The following CCDC91 variants were observed in gnomAD, a reference collection of about 807,000 sequenced individuals.
CCDC91 encodes the protein coiled-coil domain-containing protein 91.
Under a neutral mutation model 63.2 loss-of-function variants are expected in CCDC91, and 48 were observed. The observed-to-expected ratio is 0.76, with a 90% CI of 0.60 to 0.97. CCDC91 has a LOEUF of 0.97. Ranked by LOEUF, CCDC91 falls within the 50% of genes least tolerant of loss-of-function variation. The pLI, the probability that CCDC91 is intolerant of heterozygous loss-of-function variation, is 0.00. For missense variants in CCDC91, 500 were observed against 494.6 expected, an observed-to-expected ratio of 1.01 and a Z score of -0.10; for synonymous variants, 167 against 165.8, an observed-to-expected ratio of 1.01 and a Z score of -0.06.
chr12:28,328,248 G>T (rs1941193077), intron 6 of CCDC91, among the ~76,000 whole-genome samples: 1 of 151,938 alleles, frequency 6.6e-6, no homozygotes, highest in African/African-American at 2.4e-5. Flanking sequence ...AGCTTTGGTT[G>T]TTGTTTTCTG....
At chr12:28,477,042 G>A (rs1477663702) in intron 11 of CCDC91, among the ~76,000 whole-genome samples, 1 of 152,104 alleles carries the variant, frequency 6.6e-6, no homozygotes, top group Non-Finnish European at 1.5e-5. Flanking sequence ...TCTACCAGAG[G>A]TACAAGGAGG....
chr12:28,454,311 C>T (rs1238609764), intron 11 of CCDC91, among the ~76,000 whole-genome samples: 1 of 152,176 alleles, frequency 6.6e-6, no homozygotes, highest in Non-Finnish European at 1.5e-5. Context: ...TGAAGACCCA[C>T]ACCAATCAAC....
rs1946659747 is a variant in CCDC91 at position 28,259,298 on chromosome 12, C to T, written c.31-66C>T. On this transcript the variant is annotated intron_variant, in intron 2 of 12. Coordinates refer to ENST00000536442, the MANE Select transcript of CCDC91 (RefSeq NM_018318.5). ...AAGATATGCCTATTGAACTGGAATG[C>T]TTGATCACTTAAATAGCATTTCTGC... The T allele has an allele frequency of 6.9e-6, 8 of 1,160,746 alleles. No individual in the cohort carries two copies. In the South Asian group the frequency reaches 9.8e-5, roughly 14 times the overall value. 71.9% of individuals were successfully genotyped at this position (1,160,746 alleles called of 1,614,324 possible). A position where few individuals can be genotyped will look rare whatever the true frequency, so the allele number is the denominator to read the frequency against.
intron 11 of CCDC91, among the ~76,000 whole-genome samples, chr12:28,478,417 A>G (rs1357270229): frequency 1.3e-5 from 2 of 152,206 alleles, no homozygotes; most frequent in Non-Finnish European, 2.9e-5. Flanking sequence ...ATATGTAGAA[A>G]GCTGAAACTG....
At chr12:28,234,428 A>G (rs1944799055) in intron 1 of CCDC91, among the ~76,000 whole-genome samples, 1 of 152,196 alleles carries the variant, frequency 6.6e-6, no homozygotes, top group South Asian at 2.1e-4. Flanking sequence ...GTCCTTATCA[A>G]ACTGTTACAA....
intron 8 of CCDC91, among the ~76,000 whole-genome samples, chr12:28,409,532 A>T (rs1206518216): frequency 1.3e-5 from 2 of 151,908 alleles, no homozygotes; most frequent in Non-Finnish European, 2.9e-5. Flanking sequence ...ATTGATTTTT[A>T]AGTTTCTATG....
intron 12 of CCDC91, among the ~76,000 whole-genome samples, chr12:28,498,932 T>C (rs1952462857): frequency 6.6e-6 from 1 of 151,742 alleles, no homozygotes; most frequent in Non-Finnish European, 1.5e-5. Context: ...TTCACTGCTG[T>C]ATTCTCAGTA....
intron 6 of CCDC91, among the ~76,000 whole-genome samples, chr12:28,346,932 C>G (rs1348673536): frequency 6.6e-6 from 1 of 152,150 alleles, no homozygotes; most frequent in African/African-American, 2.4e-5. Flanking sequence ...CAGCCCTACC[C>G]TGAACCTATC....
At chr12:28,379,812 C>T (rs188416381) in intron 7 of CCDC91, among the ~76,000 whole-genome samples, 2 of 152,142 alleles carry the variant, frequency 1.3e-5, no homozygotes, top group Admixed American at 6.5e-5. Flanking sequence ...GGGCATATAC[C>T]CAAAGGGTTA....
At chr12:28,295,708 A>C (rs1372999570) in intron 3 of CCDC91, among the ~76,000 whole-genome samples, 1 of 152,094 alleles carries the variant, frequency 6.6e-6, no homozygotes, top group Non-Finnish European at 1.5e-5. Context: ...TGTTTTCTTA[A>C]GTGTGTCATT....
chr12:28,311,883 C>G (rs540986410), intron 6 of CCDC91, among the ~76,000 whole-genome samples: 19 of 151,904 alleles, frequency 1.3e-4, no homozygotes, highest in Non-Finnish European at 2.5e-4. Context: ...ATTCCACTCC[C>G]CAGTTTGGGA....
intron 12 of CCDC91, among the ~76,000 whole-genome samples, chr12:28,525,140 G>C (rs1348126377): frequency 6.6e-6 from 1 of 151,872 alleles, no homozygotes; most frequent in Non-Finnish European, 1.5e-5. Flanking sequence ...TCTTCTGCTG[G>C]GTTTGGGTTT....
chr12:28,489,146 A>C (rs1054865533), intron 12 of CCDC91, among the ~76,000 whole-genome samples: 3 of 151,918 alleles, frequency 2.0e-5, no homozygotes, highest in African/African-American at 4.8e-5. Flanking sequence ...CTTGCGGGGA[A>C]AGTTTCTTCT....
chr12:28,483,484 C>T (rs574363075), intron 11 of CCDC91, among the ~76,000 whole-genome samples: 10 of 152,078 alleles, frequency 6.6e-5, no homozygotes, highest in African/African-American at 9.6e-5. Flanking sequence ...TTTCAATAAA[C>T]GGAGAGTACC....
At chr12:28,500,515 G>A (rs746489640) in intron 12 of CCDC91, among the ~76,000 whole-genome samples, 1 of 151,584 alleles carries the variant, frequency 6.6e-6, no homozygotes, top group Non-Finnish European at 1.5e-5. Flanking sequence ...CATCTTCTTT[G>A]CTTCAAGGCT....
At chr12:28,274,481 T>C (rs549363366) in intron 3 of CCDC91, among the ~76,000 whole-genome samples, 1 of 152,280 alleles carries the variant, frequency 6.6e-6, no homozygotes, top group East Asian at 1.9e-4. Context: ...GAGCATGGAA[T>C]GTTCTTCCAT....
At chr12:28,521,900 G>T (rs1332398375) in intron 12 of CCDC91, among the ~76,000 whole-genome samples, 2 of 152,152 alleles carry the variant, frequency 1.3e-5, no homozygotes, top group African/African-American at 4.8e-5. Flanking sequence ...TGGCAAACCA[G>T]CCTTGCATCC....
At chr12:28,324,783 A>G (rs1372883531) in intron 6 of CCDC91, among the ~76,000 whole-genome samples, 1 of 151,808 alleles carries the variant, frequency 6.6e-6, no homozygotes, top group African/African-American at 2.4e-5. Context: ...CACTGTAATA[A>G]ATGTTTGCTC....
chr12:28,230,851 C>T (rs1304453403), intron 1 of CCDC91, among the ~76,000 whole-genome samples: 3 of 152,148 alleles, frequency 2.0e-5, no homozygotes, highest in African/African-American at 4.8e-5. Context: ...TCTCGAACTC[C>T]TGGACTCAAG....
Sources: allele counts gnomAD v4.1 joint callset (sites outside exome capture counted in the v4.1 genomes callset), GRCh38; gene constraint gnomAD v4.1.1; transcripts MANE v1.5; gene names NCBI Gene and HGNC (gene_info 2026-07-23, HGNC 2026-07-21).